Variants in CHL1 observed in about 807,000 individuals in gnomAD.
CHL1 encodes neural cell adhesion molecule L1-like protein.
In CHL1, 96 loss-of-function variants were observed where a neutral mutation model predicts 141.9. That is an observed-to-expected ratio of 0.68 (90% CI 0.57 to 0.80). The LOEUF (loss-of-function observed/expected upper bound fraction) is 0.80, where lower values mean the gene tolerates loss of function less well. Among genes scored for constraint, CHL1 ranks in the 30% least tolerant of loss-of-function variants. The pLI is 0.00. For synonymous variants in CHL1, 613 were observed against 502.2 expected, an observed-to-expected ratio of 1.22 and a Z score of -2.95; for missense variants, 1,820 against 1,457.2, an observed-to-expected ratio of 1.25 and a Z score of -4.05.
intron 2 of CHL1, among the ~76,000 whole-genome samples, chr3:245,311 A>T (rs904306032): frequency 6.6e-6 from 1 of 152,198 alleles, no homozygotes; most frequent in Non-Finnish European, 1.5e-5. Context: ...ACAGTGATGT[A>T]GTTCTAGGTA....
At chr3:224,811 T>C (rs1017565340) in intron 1 of CHL1, among the ~76,000 whole-genome samples, 13 of 152,178 alleles carry the variant, frequency 8.5e-5, no homozygotes, top group African/African-American at 3.1e-4. Flanking sequence ...AATTGAGGGT[T>C]TGCTAGGATA....
intron 2 of CHL1, among the ~76,000 whole-genome samples, chr3:306,734 G>A (rs1471956598): frequency 2.6e-5 from 4 of 151,526 alleles, no homozygotes; most frequent in African/African-American, 9.8e-5. Flanking sequence ...AAACAGTATA[G>A]AGATAAAAAA....
intron 2 of CHL1, among the ~76,000 whole-genome samples, chr3:245,109 G>A (rs1693039183): frequency 6.6e-6 from 1 of 152,132 alleles, no homozygotes; most frequent in Non-Finnish European, 1.5e-5. Context: ...GGTTAACAGA[G>A]CTCACGCTTC....
rs141798626 is a variant in CHL1, at chr3:269,038, G to A, written c.-95+24346G>A. The stretch of plus-strand genomic sequence containing the variant: ...CACAGCTGCATGCAGAGATTAGCCT[G>A]GTATACCATTTACTAAAGAGAGAAG... On this transcript the variant is annotated intron_variant, in intron 2 of 27. Transcript: ENST00000256509. 3.9e-3 allele frequency among the ~76,000 whole-genome samples: 596 copies of A among 152,204 alleles called. 9 individuals carry two copies. Among genetic ancestry groups the A allele is most frequent in the South Asian group, 0.022 (105 of 4,818 alleles).
intron 19 of CHL1, chr3:384,285 A>G (rs76591916): frequency 0.021 from 3,286 of 154,160 alleles, 51 homozygotes; most frequent in Non-Finnish European, 0.034. Context: ...TTCACTACTC[A>G]TTAAACACCA....
At chr3:364,137 A>G (rs981134060) in intron 14 of CHL1, 5 of 151,198 alleles carry the variant, frequency 3.3e-5, no homozygotes, top group African/African-American at 1.2e-4. Flanking sequence ...CTCTCTTCCC[A>G]TATATATCCT....
chr3:261,289 G>A (rs903258619), intron 2 of CHL1, among the ~76,000 whole-genome samples: 6 of 150,616 alleles, frequency 4.0e-5, no homozygotes, highest in African/African-American at 1.5e-4. Flanking sequence ...TAAAAAAGAA[G>A]GAAGAAGAGC....
intron 1 of CHL1, among the ~76,000 whole-genome samples, chr3:204,070 G>T (rs752158325): frequency 2.0e-5 from 3 of 152,190 alleles, no homozygotes; most frequent in Non-Finnish European, 4.4e-5. Context: ...CCCGAAGTGG[G>T]CATGCTCATA....
chr3:314,165 T>G (rs1699968472), intron 2 of CHL1, among the ~76,000 whole-genome samples: 1 of 151,654 alleles, frequency 6.6e-6, no homozygotes. Flanking sequence ...AAGAATCTCC[T>G]TACTGCTGTT....
intron 2 of CHL1, among the ~76,000 whole-genome samples, chr3:303,981 A>T (rs534937427): frequency 2.0e-4 from 30 of 152,314 alleles, no homozygotes; most frequent in African/African-American, 7.0e-4. Context: ...TATTGAGATA[A>T]TCATGTGGCT....
Position 213,658 on chromosome 3 carries a change from T to C in CHL1, c.-175+16595T>C, listed in dbSNP as rs543744203. 3.3e-5 allele frequency: 5 copies of C among 152,330 alleles called. No homozygotes were observed. In the East Asian group the frequency reaches 9.6e-4, roughly 29 times the overall value. The allele number at this position is 152,330 out of a possible 1,614,324, so 9.4% of individuals were successfully genotyped here. A position where few individuals can be genotyped will look rare whatever the true frequency, so the allele number is the denominator to read the frequency against. ...CCATACGAATGTATAGATAATGTTT[T>C]ATGGGAGATTAGAATAGAGAAAGAT... On this transcript the variant is annotated intron_variant, in intron 1 of 27. Coordinates refer to ENST00000256509, the MANE Select transcript of CHL1 (RefSeq NM_006614.4).
intron 2 of CHL1, among the ~76,000 whole-genome samples, chr3:245,813 G>A (rs915968417): frequency 6.6e-6 from 1 of 152,060 alleles, no homozygotes; most frequent in Non-Finnish European, 1.5e-5. Flanking sequence ...GCCATACCAA[G>A]AATAAGTCTA....
Position 407,216 on chromosome 3 carries a change from T to A in CHL1, c.*1505T>A, listed in dbSNP as rs1029774976. On this transcript the variant is annotated 3_prime_UTR_variant, in exon 28 of 28. Transcript: ENST00000256509. ...ATACTTAACTACTGTTTAAGTGAAT[T>A]GACTTATTTCACTTTAGTTTTTGAA... The A allele has an allele frequency of 1.3e-5, 2 of 152,148 alleles. No individual in the cohort carries two copies. The highest frequency in any genetic ancestry group is 4.8e-5 in the African/African-American group (2 of 41,442). The allele number at this position is 152,148 out of a possible 1,614,324, so 9.4% of individuals were successfully genotyped here.
At chr3:388,958 T>A (rs893743569) in intron 19 of CHL1, among the ~76,000 whole-genome samples, 3 of 152,270 alleles carry the variant, frequency 2.0e-5, no homozygotes, top group African/African-American at 7.2e-5. Context: ...GTGGAATTTC[T>A]TTGTAACTTC....
At chr3:254,182 C>G (rs1256613061) in intron 2 of CHL1, among the ~76,000 whole-genome samples, 6 of 152,152 alleles carry the variant, frequency 3.9e-5, no homozygotes, top group Non-Finnish European at 5.9e-5. Flanking sequence ...AATGTCATGT[C>G]CCCTTTCCAG....
At chr3:351,469 A>C (rs987933717) in intron 10 of CHL1, among the ~76,000 whole-genome samples, 1 of 152,096 alleles carries the variant, frequency 6.6e-6, no homozygotes, top group Non-Finnish European at 1.5e-5. Context: ...TAAAGTGTGG[A>C]GGTAATAAAT....
Position 309,861 on chromosome 3 carries a change from T to A in CHL1, c.-94-9822T>A, listed in dbSNP as rs567452966. On this transcript the variant is annotated intron_variant, in intron 2 of 27. Transcript: ENST00000256509. ...TCTACTTTTAAATGTAACTGTAAGT[T>A]GTAATCAAACATTATATATATTATC... Among the ~76,000 whole-genome samples the A allele has an allele frequency of 1.2e-4, 19 of 152,310 alleles. No individual in the cohort carries two copies. The South Asian group carries it at 3.9e-3, about 32-fold the overall frequency.
At chr3:266,588 G>A (rs1383252658) in intron 2 of CHL1, among the ~76,000 whole-genome samples, 2 of 151,894 alleles carry the variant, frequency 1.3e-5, no homozygotes, top group African/African-American at 2.4e-5. Flanking sequence ...AGCAACAACA[G>A]GACAGAGGCT....
intron 2 of CHL1, among the ~76,000 whole-genome samples, chr3:245,218 G>A (rs1693051683): frequency 6.6e-6 from 1 of 152,030 alleles, no homozygotes; most frequent in South Asian, 2.1e-4. Context: ...CAAATTCTTT[G>A]TGCAACACCA....
Sources: allele counts gnomAD v4.1 joint callset (sites outside exome capture counted in the v4.1 genomes callset), GRCh38; gene constraint gnomAD v4.1.1; transcripts MANE v1.5; gene names NCBI Gene and HGNC (gene_info 2026-07-23, HGNC 2026-07-21).